The following RBMS1 variants were observed in gnomAD, a reference collection of about 807,000 sequenced individuals.
The protein encoded by RBMS1 is RNA-binding motif, single-stranded-interacting protein 1.
A neutral mutation model predicts 62.3 loss-of-function variants in RBMS1; 17 were observed. The observed-to-expected ratio is 0.27, with a 90% CI of 0.19 to 0.41. The LOEUF is 0.41. RBMS1 is among the 10% of genes least tolerant of loss of function. The probability of loss-of-function intolerance (pLI) is 1.00; values close to 1 mark genes in which losing one functional copy is unlikely to be tolerated. For synonymous variants in RBMS1, 172 were observed against 170.0 expected (o/e 1.01, Z -0.09); for missense variants, 334 against 504.5 (o/e 0.66, Z 3.24).
intron 1 of RBMS1, among the ~76,000 whole-genome samples, chr2:160,395,476 T>G (rs1457121993): frequency 6.6e-6 from 1 of 151,852 alleles, no homozygotes; most frequent in Admixed American, 6.6e-5. Flanking sequence ...TACAAAAAAT[T>G]AGCCGGGCGT....
chr2:160,420,032 T>A (rs1036174817), intron 1 of RBMS1, among the ~76,000 whole-genome samples: 1 of 152,228 alleles, frequency 6.6e-6, no homozygotes, highest in African/African-American at 2.4e-5. Context: ...TATGGAGTTT[T>A]CTCGAGCTTG....
chr2:160,383,919 C>T (rs574179112), intron 1 of RBMS1, among the ~76,000 whole-genome samples: 3 of 152,280 alleles, frequency 2.0e-5, no homozygotes, highest in Non-Finnish European at 4.4e-5. Flanking sequence ...AACTTAAGGT[C>T]GGGTGCAGTG....
intron 12 of RBMS1, among the ~76,000 whole-genome samples, chr2:160,276,410 A>AC (rs1188492953): frequency 6.6e-6 from 1 of 151,508 alleles, no homozygotes; most frequent in Non-Finnish European, 1.5e-5. Context: ...TATCACCACC[A>AC]CCACCACCAC....
intron 1 of RBMS1, among the ~76,000 whole-genome samples, chr2:160,385,024 A>C (rs967009450): frequency 6.6e-6 from 1 of 152,118 alleles, no homozygotes; most frequent in Non-Finnish European, 1.5e-5. Context: ...CATGTGACAC[A>C]TCTGCTCCCA....
intron 1 of RBMS1, among the ~76,000 whole-genome samples, chr2:160,414,159 C>T (rs1696129629): frequency 6.6e-6 from 1 of 152,294 alleles, no homozygotes; most frequent in South Asian, 2.1e-4. Flanking sequence ...AATTTCCATT[C>T]CACTGAATAT....
At chr2:160,297,214 GGAGGGTGTAT>G (rs1200131162) in intron 6 of RBMS1, among the ~76,000 whole-genome samples, 4 of 152,202 alleles carry the variant, frequency 2.6e-5, no homozygotes, top group Admixed American at 6.5e-5. Flanking sequence ...GAAAGATGGA[GGAGGGTGTAT>G]GTGGCTTTTT....
intron 1 of RBMS1, among the ~76,000 whole-genome samples, chr2:160,429,169 C>G (rs1346506242): frequency 2.6e-5 from 4 of 151,776 alleles, no homozygotes; most frequent in African/African-American, 9.7e-5. Flanking sequence ...TATTTAAGAC[C>G]CTGACTAAAG....
chr2:160,369,731 A>G (rs1421373972), intron 1 of RBMS1, among the ~76,000 whole-genome samples: 1 of 152,212 alleles, frequency 6.6e-6, no homozygotes, highest in Non-Finnish European at 1.5e-5. Context: ...GATTACATCA[A>G]CACGAAGTAA....
chr2:160,464,739 A>G (rs1458945624), intron 1 of RBMS1, among the ~76,000 whole-genome samples: 1 of 152,198 alleles, frequency 6.6e-6, no homozygotes, highest in Admixed American at 6.5e-5. Flanking sequence ...TTGCCCATTT[A>G]CTTATGCATT....
chr2:160,351,501 T>C (rs988070853), intron 2 of RBMS1, among the ~76,000 whole-genome samples: 1 of 152,106 alleles, frequency 6.6e-6, no homozygotes, highest in African/African-American at 2.4e-5. Context: ...TGTCTTCAAA[T>C]AATTAAAGGC....
intron 1 of RBMS1, among the ~76,000 whole-genome samples, chr2:160,390,729 T>C (rs1694823215): frequency 1.3e-5 from 2 of 148,728 alleles, no homozygotes; most frequent in African/African-American, 5.0e-5. Context: ...AACTTTTGGC[T>C]GGAATGGCAG....
intron 12 of RBMS1, among the ~76,000 whole-genome samples, chr2:160,276,234 T>C (rs548694488): frequency 6.6e-6 from 1 of 152,322 alleles, no homozygotes; most frequent in Admixed American, 6.5e-5. Context: ...ACAAAGATAA[T>C]TTTTATTTTC....
intron 1 of RBMS1, among the ~76,000 whole-genome samples, chr2:160,461,413 G>A (rs903215106): frequency 6.6e-6 from 1 of 152,222 alleles, no homozygotes; most frequent in Non-Finnish European, 1.5e-5. Flanking sequence ...GAGGCAGGGT[G>A]GCCGTGGCCT....
intron 1 of RBMS1, among the ~76,000 whole-genome samples, chr2:160,382,024 C>T (rs1340683892): frequency 6.6e-6 from 1 of 152,162 alleles, no homozygotes; most frequent in East Asian, 1.9e-4. Flanking sequence ...CCTGTCAACC[C>T]CTGCAGGATA....
intron 1 of RBMS1, among the ~76,000 whole-genome samples, chr2:160,393,670 G>A (rs1187413065): frequency 6.6e-6 from 1 of 151,802 alleles, no homozygotes. Context: ...CCAGCTACTC[G>A]GGAGGCTGAG....
chr2:160,486,260 G>A (rs528499511), intron 1 of RBMS1, among the ~76,000 whole-genome samples: 3 of 151,972 alleles, frequency 2.0e-5, no homozygotes, highest in Non-Finnish European at 4.4e-5. Context: ...TTCTGTTTTC[G>A]CAATTTGATT....
chr2:160,305,295 C>T (rs1287079799), intron 4 of RBMS1, among the ~76,000 whole-genome samples: 3 of 152,234 alleles, frequency 2.0e-5, no homozygotes, highest in Non-Finnish European at 1.5e-5. Flanking sequence ...GTCCTCTAAG[C>T]TCCAGTCATG....
intron 1 of RBMS1, among the ~76,000 whole-genome samples, chr2:160,382,497 C>T (rs1275136090): frequency 6.6e-6 from 1 of 152,128 alleles, no homozygotes; most frequent in Non-Finnish European, 1.5e-5. Flanking sequence ...AATCTTATTA[C>T]CTTTGCATAC....
intron 1 of RBMS1, among the ~76,000 whole-genome samples, chr2:160,469,263 C>T (rs922607569): frequency 2.6e-5 from 4 of 152,180 alleles, no homozygotes; most frequent in African/African-American, 4.8e-5. Context: ...AATCTCTTTT[C>T]TGAGTTTACC....
Sources: allele counts gnomAD v4.1 joint callset (sites outside exome capture counted in the v4.1 genomes callset), GRCh38; gene constraint gnomAD v4.1.1; transcripts MANE v1.5; gene names NCBI Gene and HGNC (gene_info 2026-07-23, HGNC 2026-07-21).